The following CHST9 variants were observed in gnomAD, a reference collection of about 807,000 sequenced individuals.
CHST9 encodes the protein GalNAc-4-sulfotransferase 2.
Under a neutral mutation model 44.4 loss-of-function variants are expected in CHST9, and 41 were observed. The ratio of observed to expected loss-of-function variants is 0.92; its 90% confidence interval spans 0.72 to 1.20. The LOEUF is 1.20. CHST9 is among the 50% of genes most tolerant of loss of function. The pLI, the probability that CHST9 is intolerant of heterozygous loss-of-function variation, is 0.00. For synonymous variants in CHST9, 171 were observed against 178.4 expected (o/e 0.96, Z 0.33); for missense variants, 504 against 516.5 (o/e 0.98, Z 0.23).
chr18:26,968,101 C>A (rs28564652), intron 4 of CHST9, among the ~76,000 whole-genome samples: 1 of 152,064 alleles, frequency 6.6e-6, no homozygotes, highest in South Asian at 2.1e-4. Context: ...ACCTTGCAGA[C>A]GGCCTATTGT....
intron 4 of CHST9, among the ~76,000 whole-genome samples, chr18:26,955,553 A>G (rs28368602): frequency 1.1e-3 from 166 of 152,304 alleles, no homozygotes; most frequent in African/African-American, 3.8e-3. Context: ...GGACAGCACA[A>G]GTGCAGGCTG....
At chr18:27,083,635 T>G (rs935486090) in intron 2 of CHST9, among the ~76,000 whole-genome samples, 3 of 152,168 alleles carry the variant, frequency 2.0e-5, no homozygotes, top group African/African-American at 7.2e-5. Context: ...TTTCATCATG[T>G]CTTCCCTGCT....
At chr18:27,017,559 G>A (rs2057169754) in intron 4 of CHST9, among the ~76,000 whole-genome samples, 1 of 152,178 alleles carries the variant, frequency 6.6e-6, no homozygotes, top group Non-Finnish European at 1.5e-5. Context: ...CTAAACTATG[G>A]TGAAATATGT....
At chr18:26,982,490 G>A (rs1319995558) in intron 4 of CHST9, among the ~76,000 whole-genome samples, 1 of 152,004 alleles carries the variant, frequency 6.6e-6, no homozygotes, top group African/African-American at 2.4e-5. Flanking sequence ...TGTCACTAAG[G>A]AACCTTTTGG....
intron 1 of CHST9, among the ~76,000 whole-genome samples, chr18:27,145,345 C>T (rs569778268): frequency 6.6e-6 from 1 of 152,112 alleles, no homozygotes; most frequent in Non-Finnish European, 1.5e-5. Context: ...GAGCCACACC[C>T]GACTAATTTT....
At chr18:27,093,036 C>G (rs537093625) in intron 2 of CHST9, among the ~76,000 whole-genome samples, 75 of 152,102 alleles carry the variant, frequency 4.9e-4, no homozygotes, top group Non-Finnish European at 9.4e-4. Flanking sequence ...CCCTGTTTGT[C>G]TGGGTATCAC....
chr18:26,930,473 G>C (rs2055857288), intron 5 of CHST9, among the ~76,000 whole-genome samples: 2 of 152,160 alleles, frequency 1.3e-5, no homozygotes, highest in African/African-American at 4.8e-5. Context: ...GTCTATGTAT[G>C]CATGCATTCA....
Position 27,079,588 on chromosome 18 carries a change from A to T in CHST9, c.122-31085T>A, listed in dbSNP as rs146976989. 4.7e-3 allele frequency among the ~76,000 whole-genome samples: 719 copies of T among 152,358 alleles called. 3 individuals are homozygous for T. The highest frequency in any genetic ancestry group is 0.017 in the Middle Eastern group (5 of 294). On this transcript the variant is annotated intron_variant, in intron 2 of 5. Coordinates refer to ENST00000618847, the MANE Select transcript of CHST9 (RefSeq NM_031422.6). ...ATATAGACGAAAAAGTTTAAAAATCATGTCACAAACCTATAAAACATTTAT... is the reference window on the plus strand; with the variant it reads ...ATATAGACGAAAAAGTTTAAAAATCTTGTCACAAACCTATAAAACATTTAT...
intron 1 of CHST9, among the ~76,000 whole-genome samples, chr18:27,173,195 C>T (rs1299923939): frequency 1.3e-5 from 2 of 151,904 alleles, no homozygotes; most frequent in Admixed American, 1.3e-4. Context: ...AAATCGAGAG[C>T]TTTGTCTTTT....
In CHST9 at chr18:26,911,681, G is replaced by A. The variant is rs947344406; in HGVS notation, c.*4578C>T. 3 of 152,174 alleles carry A rather than the reference G, an allele frequency of 2.0e-5. No individual in the cohort carries two copies. The highest frequency in any genetic ancestry group is 7.2e-5 in the African/African-American group (3 of 41,446). 9.4% of individuals were successfully genotyped at this position (152,174 alleles called of 1,614,324 possible). On this transcript the variant is annotated 3_prime_UTR_variant, in exon 6 of 6. Transcript: ENST00000618847. ...AAATGGATTTAAATACTTTTGCCTG[G>A]AAGCATATGATCCTGGTGAAAAACT...
chr18:26,985,570 T>A (rs143609951), intron 4 of CHST9, among the ~76,000 whole-genome samples: 1 of 152,118 alleles, frequency 6.6e-6, no homozygotes, highest in Non-Finnish European at 1.5e-5. Context: ...AAGGGACAAA[T>A]ATGAGAATCC....
chr18:27,097,556 A>G (rs919662384), intron 2 of CHST9, among the ~76,000 whole-genome samples: 2 of 152,052 alleles, frequency 1.3e-5, no homozygotes, highest in Non-Finnish European at 2.9e-5. Context: ...GTTTCAGGGT[A>G]TAAAATCAAT....
At chr18:27,066,070 A>G (rs957269812) in intron 2 of CHST9, among the ~76,000 whole-genome samples, 2 of 152,244 alleles carry the variant, frequency 1.3e-5, no homozygotes, top group African/African-American at 4.8e-5. Context: ...CAGAGGGTGG[A>G]AAAACAGTCC....
At chr18:27,015,149 T>G (rs1196962999) in intron 4 of CHST9, among the ~76,000 whole-genome samples, 1 of 152,206 alleles carries the variant, frequency 6.6e-6, no homozygotes, top group Admixed American at 6.5e-5. Flanking sequence ...TTAAAATTCC[T>G]AGAGTTTTCT....
At chr18:26,946,441 T>C (rs2056163767) in intron 4 of CHST9, among the ~76,000 whole-genome samples, 1 of 152,134 alleles carries the variant, frequency 6.6e-6, no homozygotes, top group Admixed American at 6.5e-5. Flanking sequence ...CAGGGCATAG[T>C]GTGAGAGAGG....
chr18:27,108,561 G>C (rs1318916636), intron 2 of CHST9, among the ~76,000 whole-genome samples: 1 of 151,914 alleles, frequency 6.6e-6, no homozygotes, highest in Non-Finnish European at 1.5e-5. Context: ...AGAATGAAAA[G>C]AAAAAAATGC....
chr18:27,164,846 A>G (rs1363556832), intron 1 of CHST9, among the ~76,000 whole-genome samples: 2 of 152,208 alleles, frequency 1.3e-5, no homozygotes, highest in Non-Finnish European at 2.9e-5. Context: ...AAGGAAAACA[A>G]TTATCACTTA....
chr18:27,164,499 T>A (rs1260400294), intron 1 of CHST9, among the ~76,000 whole-genome samples: 1 of 151,860 alleles, frequency 6.6e-6, no homozygotes. Context: ...ATCTAAGTAA[T>A]AGGAATTTCA....
chr18:26,963,556 C>T (rs2056427233), intron 4 of CHST9, among the ~76,000 whole-genome samples: 1 of 143,900 alleles, frequency 6.9e-6, no homozygotes, highest in Admixed American at 7.0e-5. Flanking sequence ...ATTCCAGCTT[C>T]TGTTTTTAAG....
Sources: gnomAD v4.1 joint callset for allele counts (sites outside exome capture counted in the v4.1 genomes callset) on GRCh38, gnomAD v4.1.1 for gene constraint, MANE v1.5 for transcripts, NCBI Gene and HGNC (gene_info 2026-07-23, HGNC 2026-07-21) for gene names.